Variants in BSN observed in about 807,000 individuals in gnomAD.
BSN encodes protein bassoon.
BSN carries 57 observed loss-of-function variants against 264.8 expected under a neutral mutation model. The ratio of observed to expected loss-of-function variants is 0.22; its 90% CI spans 0.17 to 0.27. The LOEUF (loss-of-function observed/expected upper bound fraction) is 0.27, where lower values mean the gene tolerates loss of function less well. BSN is among the 10% of genes least tolerant of loss of function. BSN has a pLI of 1.00. For missense variants in BSN, 4,615 were observed against 5,232.5 expected, an observed-to-expected ratio of 0.88 and a Z score of 3.64; for synonymous variants, 2,059 against 2,137.3, an observed-to-expected ratio of 0.96 and a Z score of 1.01.
rs1485631579 is a variant in BSN at position 49,662,203 on chromosome 3, A to G, written c.10358A>G (p.Lys3453Arg). 1.9e-6 allele frequency: 3 copies of G among 1,613,054 alleles called. No homozygotes were observed. The African/African-American group carries it at 4.0e-5, about 22-fold the overall frequency. ...GCACCTTCTGCATACAGTGGGGAGA[A>G]GCTGTCCAGCCACGACTTCAGTGGC... Reference protein sequence around the residue: ...SRAPSAYSGEKLSSHDFSGWG... With the variant: ...SRAPSAYSGERLSSHDFSGWG... The change falls in exon 6 of 12, where the codon AAG (lysine) becomes AGG (arginine). Residue 3453 changes from lysine (K) to arginine (R), a missense_variant. Lys to Arg is a conservative substitution (Grantham distance 26). Coordinates refer to ENST00000296452, the MANE Select transcript of BSN (RefSeq NM_003458.4).
chr3:49,554,888 C>T (rs893222997), intron 1 of BSN, 62 bp downstream of exon 1: 31 of 1,025,344 alleles, frequency 3.0e-5, no homozygotes, highest in Non-Finnish European at 3.8e-5. Context: ...GGACCCGGGC[C>T]CAGGATCCCG....
chr3:49,656,762 G>A lies in BSN; in HGVS notation c.7206G>A (p.Gln2402=). 9 of 1,579,730 alleles carry A rather than the reference G, an allele frequency of 5.7e-6. No homozygotes were observed. Among genetic ancestry groups the A allele is most frequent in the Non-Finnish European group, 7.7e-6 (9 of 1,162,730 alleles). The stretch of plus-strand genomic sequence containing the variant: ...TAGAGCGGGAACGTGTGGAGCTGCA[G>A]AGGCACCGTGAGGAGGAGCAGCTGC... The part of the protein sequence containing the change: ...EELERERVEL[Q]RHREEEQLLV... Residue 2402 remains glutamine (Q), a synonymous_variant, in exon 5 of 12, where the codon CAG becomes CAA. Transcript: ENST00000296452.
chr3:49,621,590 GATGATGTGGAGGTCCCT>G (rs1371300206), intron 1 of BSN, among the ~76,000 whole-genome samples: 1 of 152,192 alleles, frequency 6.6e-6, no homozygotes, highest in African/African-American at 2.4e-5. Flanking sequence ...TGTCGGATTT[GATGATGTGGAGGTCCCT>G]ACTGACTGTG....
chr3:49,575,366 G>GTGTGTGTATATATATGTAAATATATA lies in BSN; in HGVS notation c.224+20568_224+20593dup, dbSNP rs1340885423. Among the ~76,000 whole-genome samples, 72 of 148,922 alleles carry GTGTGTGTATATATATGTAAATATATA rather than the reference G, an allele frequency of 4.8e-4. 1 individual carries two copies. The highest frequency in any genetic ancestry group is 1.8e-3 in the East Asian group (9 of 5,096). ...GAGACTCTGTCTCAAATATATATAT[G>GTGTGTGTATATATATGTAAATATATA]TGTGTGTATATATATGTAAATATAT... is the stretch of plus-strand genomic sequence containing the variant. On this transcript the variant is annotated intron_variant, in intron 1 of 11. Coordinates refer to ENST00000296452, the MANE Select transcript of BSN (RefSeq NM_003458.4).
In BSN at chr3:49,585,216, A is replaced by T. The variant is rs952496010; in HGVS notation, c.224+30390A>T. Among the ~76,000 whole-genome samples the T allele has an allele frequency of 1.0e-4, 15 of 149,260 alleles. No homozygotes were observed. The highest frequency in any genetic ancestry group is 1.5e-4 in the African/African-American group (6 of 40,446). On this transcript the variant is annotated intron_variant, in intron 1 of 11. Coordinates refer to ENST00000296452, the MANE Select transcript of BSN (RefSeq NM_003458.4). The surrounding 1 kb of genome is among the most constrained non-coding windows in gnomAD (Gnocchi z 4.7). ...TTTTAGTTGTTTTTTTTTTAATTTT[A>T]ATTTTTATTTTATTGAATTATTTTT...
chr3:49,556,984 T>A (rs2051677604), intron 1 of BSN, among the ~76,000 whole-genome samples: 1 of 152,210 alleles, frequency 6.6e-6, no homozygotes, highest in Non-Finnish European at 1.5e-5. Flanking sequence ...ATTGCCATAT[T>A]ACCTTGTCAT....
At chr3:49,557,410 T>G (rs934971849) in intron 1 of BSN, among the ~76,000 whole-genome samples, 1 of 152,056 alleles carries the variant, frequency 6.6e-6, no homozygotes, top group African/African-American at 2.4e-5. Flanking sequence ...AACACACATA[T>G]TGATGGGATT....
rs534253713 is a variant in BSN at position 49,660,584 on chromosome 3, C to T, written c.8739C>T (p.Ala2913=). The part of the protein sequence containing the change: ...EEAHLPLAGQ[A]SPQLYAASLL... ...CTCACCTTCCCCTGGCTGGCCAGGC[C>T]TCCCCACAGCTGTATGCAGCCAGCC... Residue 2913 remains alanine, a synonymous_variant, in exon 6 of 12, where the codon GCC becomes GCT. Transcript: ENST00000296452. This position sits in a 1 kb window ranked among gnomAD's most constrained non-coding sequence, Gnocchi z 7.1. 1.1e-4 allele frequency: 173 copies of T among 1,609,598 alleles called. 1 individual carries two copies. The African/African-American group carries it at 1.2e-3, about 11-fold the overall frequency.
intron 1 of BSN, among the ~76,000 whole-genome samples, chr3:49,583,485 C>T (rs1373502474): frequency 6.6e-6 from 1 of 152,046 alleles, no homozygotes; most frequent in Non-Finnish European, 1.5e-5. Context: ...TGGCTCATGC[C>T]TCTAATCCCA....
intron 1 of BSN, among the ~76,000 whole-genome samples, chr3:49,604,114 G>A (rs2052093081): frequency 6.6e-6 from 1 of 151,546 alleles, no homozygotes; most frequent in African/African-American, 2.4e-5. Flanking sequence ...TAAAGAGATG[G>A]GGTCTCACTA....
chr3:49,572,434 GATATT>G (rs2051804584), intron 1 of BSN, among the ~76,000 whole-genome samples: 4 of 152,148 alleles, frequency 2.6e-5, no homozygotes, highest in African/African-American at 9.7e-5. Context: ...GAAAGTGGGT[GATATT>G]ATAAGATCAG....
In BSN at chr3:49,662,980, C is replaced by A. The variant is rs2052674991; in HGVS notation, c.10822C>A (p.Gln3608Lys). 1.2e-6 allele frequency: 2 copies of A among 1,614,166 alleles called. No individual in the cohort carries two copies. The highest frequency in any genetic ancestry group is 1.7e-6 in the Non-Finnish European group (2 of 1,180,030). ...GGGCCATGCAGTTTCCTCCTCCTCCCAGAAGCGAGGCCCTGCCAGGCACAG... is the reference window on the plus strand; with the variant it reads ...GGGCCATGCAGTTTCCTCCTCCTCCAAGAAGCGAGGCCCTGCCAGGCACAG... ...HGGHAVSSSS[Q>K]KRGPARHSYH... Residue 3608 changes from glutamine (Q) to lysine (K), a missense_variant, in exon 7 of 12, where the codon CAG (glutamine) becomes AAG (lysine). By Grantham distance (53) the Gln-to-Lys change is moderately conservative. Transcript: ENST00000296452.
rs894107093 is a variant in BSN at position 49,662,233 on chromosome 3, G to A, written c.10388G>A (p.Gly3463Asp). 6.2e-7 allele frequency: 1 copy of A among 1,613,758 alleles called. No individual in the cohort carries two copies. Among genetic ancestry groups the A allele is most frequent in the Non-Finnish European group, 8.5e-7 (1 of 1,179,950 alleles). ...TCCAGCCACGACTTCAGTGGCTGGG[G>A]CAAGGGGTACGAAAGGGAACGGGAG... ...KLSSHDFSGW[G>D]KGYEREREAV... is the part of the protein sequence containing the mutation. The change falls in exon 6 of 12, where the codon GGC becomes GAC. Residue 3463 changes from glycine to aspartate, a missense_variant. This residue lies in a region of BSN where 3,415 missense variants were observed against 3,866.4 expected (regional missense o/e 0.88). Coordinates refer to ENST00000296452, the MANE Select transcript of BSN (RefSeq NM_003458.4).
rs200593275 is a variant in BSN at position 49,662,176 on chromosome 3, G to A, written c.10331G>A (p.Arg3444Gln). The A allele has an allele frequency of 2.8e-4, 458 of 1,612,784 alleles. No homozygotes were observed. Among genetic ancestry groups the A allele is most frequent in the Middle Eastern group, 1.8e-3 (11 of 5,980 alleles). ...DRIYGGSSRS[R>Q]APSAYSGEKL... ...ATTTATGGCGGGAGCAGCCGGTCCC[G>A]GGCACCTTCTGCATACAGTGGGGAG... The change falls in exon 6 of 12, where the codon CGG becomes CAG. Residue 3444 changes from arginine (R) to glutamine (Q), a missense_variant. This residue lies in a region of BSN where 3,415 missense variants were observed against 3,866.4 expected (regional missense o/e 0.88). Transcript: ENST00000296452.
At position 49,654,731 on chromosome 3, in the gene BSN, C is replaced by G; in HGVS notation, c.5175C>G (p.Phe1725Leu). 1 of 1,613,674 alleles carries G rather than the reference C, an allele frequency of 6.2e-7. No individual in the cohort carries two copies. Among genetic ancestry groups the G allele is most frequent in the Non-Finnish European group, 8.5e-7 (1 of 1,180,008 alleles). Residue 1725 changes from phenylalanine (F) to leucine (L), a missense_variant, in exon 5 of 12, where the codon TTC becomes TTG. By Grantham distance (22) the Phe-to-Leu change is conservative. Transcript: ENST00000296452. This position sits in a 1 kb window ranked among gnomAD's most constrained non-coding sequence, Gnocchi z 4.1. The part of the protein sequence containing the change: ...VINLNAQEHT[F>L]LATATTVSIT... The stretch of plus-strand genomic sequence containing the variant: ...ACCTCAATGCCCAGGAGCATACCTT[C>G]CTTGCTACTGCCACCACCGTGAGCA...
rs114141287 is a variant in BSN, at chr3:49,586,583, C to T, written c.224+31757C>T. Among the ~76,000 whole-genome samples, 734 of 152,272 alleles carry T rather than the reference C, an allele frequency of 4.8e-3. 9 individuals are homozygous for T. The highest frequency in any genetic ancestry group is 0.016 in the African/African-American group (661 of 41,546). ...CTTGAACTCCTGGACTCAAGCAATC[C>T]GTCCATCTCAGCTTCCCAGAGTGCT... On this transcript the variant is annotated intron_variant, in intron 1 of 11. Coordinates refer to ENST00000296452, the MANE Select transcript of BSN (RefSeq NM_003458.4).
At chr3:49,599,175 G>A (rs1204000174) in intron 1 of BSN, among the ~76,000 whole-genome samples, 1 of 152,134 alleles carries the variant, frequency 6.6e-6, no homozygotes, top group African/African-American at 2.4e-5. Context: ...CTTTCGTACT[G>A]GTGAGGCTTC....
At chr3:49,604,995 C>T (rs943383849) in intron 1 of BSN, among the ~76,000 whole-genome samples, 6 of 151,726 alleles carry the variant, frequency 4.0e-5, no homozygotes, top group Non-Finnish European at 1.5e-5. Context: ...CGCGGTAGCT[C>T]ACGCCTGTAA....
At position 49,661,566 on chromosome 3, in the gene BSN, A is replaced by G; in HGVS notation, c.9721A>G (p.Thr3241Ala). Residue 3241 changes from threonine (T) to alanine (A), a missense_variant, in exon 6 of 12, where the codon ACC (threonine) becomes GCC (alanine). Around this residue, in one of 3 missense-constraint regions of BSN, gnomAD observed 3,415 missense variants for 3,866.4 expected, o/e 0.88. Transcript: ENST00000296452. ...YVMIDDISELTKDSTSTAPDS... is the reference protein window; with the variant it reads ...YVMIDDISELAKDSTSTAPDS... ...AATGATTGATGACATCAGTGAACTG[A>G]CCAAGGACAGCACCTCTACTGCTCC... 6.2e-7 allele frequency: 1 copy of G among 1,614,002 alleles called. No homozygotes were observed. Among genetic ancestry groups the G allele is most frequent in the Non-Finnish European group, 8.5e-7 (1 of 1,180,046 alleles).
Sources: gnomAD v4.1 joint callset for allele counts (sites outside exome capture counted in the v4.1 genomes callset) on GRCh38, gnomAD v4.1.1 for gene constraint, gnomAD v4.1.1 regional missense constraint, Gnocchi (gnomAD v3.1) non-coding constraint, MANE v1.5 for transcripts, NCBI Gene and HGNC (gene_info 2026-07-23, HGNC 2026-07-21) for gene names.